The following DUSP22 variants were observed in gnomAD, a reference collection of about 807,000 sequenced individuals.
The protein encoded by DUSP22 is dual specificity phosphatase 22, also known as dual specificity protein phosphatase 22.
A neutral mutation model predicts 24.5 loss-of-function variants in DUSP22; 24 were observed. The observed-to-expected ratio is 0.98, with a 90% CI of 0.71 to 1.38. The LOEUF (loss-of-function observed/expected upper bound fraction) is 1.38, where lower values mean the gene tolerates loss of function less well. DUSP22 is among the 40% of genes most tolerant of loss of function. The probability of loss-of-function intolerance (pLI) is 0.00; values close to 1 mark genes in which losing one functional copy is unlikely to be tolerated. For synonymous variants in DUSP22, 160 were observed against 106.4 expected, an observed-to-expected ratio of 1.50 and a Z score of -3.10; for missense variants, 330 against 269.2, an observed-to-expected ratio of 1.23 and a Z score of -1.58.
Position 292,508 on chromosome 6 carries a change from G to C in DUSP22, c.-32G>C, listed in dbSNP as rs759633832. ...TGCCATAGTGCGCCTGCGACCACAC[G>C]GCCGGGGCGCTAGCGTTCGCCTTCA... On this transcript the variant is annotated 5_prime_UTR_variant, in exon 1 of 7. Transcript: ENST00000419235. 9 of 1,603,818 alleles carry C rather than the reference G, an allele frequency of 5.6e-6. No homozygotes were observed. Among genetic ancestry groups the C allele is most frequent in the Non-Finnish European group, 7.7e-6 (9 of 1,175,288 alleles).
chr6:327,461 G>A (rs1758933021), intron 3 of DUSP22, among the ~76,000 whole-genome samples: 1 of 152,310 alleles, frequency 6.6e-6, no homozygotes, highest in Non-Finnish European at 1.5e-5. Context: ...ATTCTGAAAT[G>A]GCATGTCCCT....
chr6:337,499 C>G (rs1210358040), intron 4 of DUSP22, among the ~76,000 whole-genome samples: 2 of 152,298 alleles, frequency 1.3e-5, no homozygotes. Context: ...CATGGAGGGA[C>G]AGGGGAGACA....
chr6:332,351 G>T (rs1759177540), intron 3 of DUSP22, among the ~76,000 whole-genome samples: 1 of 152,306 alleles, frequency 6.6e-6, no homozygotes, highest in Non-Finnish European at 1.5e-5. Context: ...CAGCGACTGT[G>T]GGCAGGGGCC....
intron 4 of DUSP22, among the ~76,000 whole-genome samples, chr6:345,079 A>G (rs1759795642): frequency 6.6e-6 from 1 of 152,308 alleles, no homozygotes; most frequent in Admixed American, 6.5e-5. Flanking sequence ...CAGACAACCC[A>G]CAGCCTTCCC....
At chr6:300,707 A>G (rs1757541271) in intron 1 of DUSP22, among the ~76,000 whole-genome samples, 1 of 152,300 alleles carries the variant, frequency 6.6e-6, no homozygotes, top group Non-Finnish European at 1.5e-5. Context: ...GCAGGAACAG[A>G]CCTGCTGTGC....
In DUSP22 at chr6:348,222, A is replaced by C. The variant is rs1759982576; in HGVS notation, c.383A>C (p.Asn128Thr). Residue 128 changes from asparagine (N) to threonine (T), a missense_variant, in exon 6 of 7, where the codon AAC (asparagine) becomes ACC (threonine). By Grantham distance (65) the Asn-to-Thr change is moderately conservative (BLOSUM62 0). Transcript: ENST00000419235. ...GCTGGGAGATCCTGTGCCAACCCCA[A>C]CGTGGGCTTCCAGAGACAGCTCCAG... ...VRAGRSCANP[N>T]VGFQRQLQEF... 4 of 1,614,196 alleles carry C rather than the reference A, an allele frequency of 2.5e-6. No individual in the cohort carries two copies. The highest frequency in any genetic ancestry group is 2.2e-5 in the South Asian group (2 of 91,096).
intron 2 of DUSP22, among the ~76,000 whole-genome samples, chr6:311,053 A>G (rs540464558): frequency 9.1e-3 from 1,374 of 151,784 alleles, no homozygotes; most frequent in African/African-American, 0.031. Flanking sequence ...ATAGGGGCTC[A>G]AGTTTTTAAA....
chr6:325,516 C>G (rs1485137218), intron 3 of DUSP22: 54 of 143,444 alleles, frequency 3.8e-4, no homozygotes, highest in East Asian at 7.7e-4. Context: ...AGTCATCTGC[C>G]CTGGGCTTCC....
At chr6:297,465 C>T (rs1222846514) in intron 1 of DUSP22, among the ~76,000 whole-genome samples, 2 of 152,304 alleles carry the variant, frequency 1.3e-5, no homozygotes, top group Admixed American at 6.5e-5. Context: ...GAATATGTTC[C>T]CTCTAGGCAT....
rs2671431 is a variant in DUSP22 at position 335,175 on chromosome 6, A to T, written c.188+12A>T. 1 allele frequency: 1,612,641 copies of T among 1,613,230 alleles called. 806,026 individuals carry two copies. Among genetic ancestry groups the T allele is most frequent in the East Asian group, 1 (44,886 of 44,886 alleles). ...CCATCTCAAAACCTGTAAGTTTCTT[A>T]TTTCTGTATTATTTGGAGACATTTA... On this transcript the variant is annotated intron_variant, in intron 4 of 6. Coordinates refer to ENST00000419235, the MANE Select transcript of DUSP22 (RefSeq NM_001286555.3).
intron 2 of DUSP22, among the ~76,000 whole-genome samples, chr6:309,146 A>G (rs962551693): frequency 6.6e-6 from 1 of 152,288 alleles, no homozygotes; most frequent in Admixed American, 6.5e-5. Context: ...CCAACTTGTG[A>G]GGGGTTGGGG....
At chr6:322,159 C>A (rs1758624449) in intron 3 of DUSP22, among the ~76,000 whole-genome samples, 1 of 152,122 alleles carries the variant, frequency 6.6e-6, no homozygotes, top group East Asian at 1.9e-4. Flanking sequence ...GTATACATAT[C>A]ATCTACATAG....
chr6:296,182 A>C (rs1424134967), intron 1 of DUSP22, among the ~76,000 whole-genome samples: 1 of 152,312 alleles, frequency 6.6e-6, no homozygotes, highest in Non-Finnish European at 1.5e-5. Flanking sequence ...GCAAGAAACT[A>C]AAACTTTTTT....
intron 4 of DUSP22, among the ~76,000 whole-genome samples, chr6:339,894 C>T (rs1286127459): frequency 6.6e-6 from 1 of 152,272 alleles, no homozygotes; most frequent in African/African-American, 2.4e-5. Flanking sequence ...CTAGTTGGGC[C>T]CTTGGACTAC....
intron 2 of DUSP22, among the ~76,000 whole-genome samples, chr6:304,987 T>C (rs530270971): frequency 6.6e-6 from 1 of 152,428 alleles, no homozygotes; most frequent in East Asian, 1.9e-4. Flanking sequence ...CTGAGCACAG[T>C]GTCACAGTTC....
At chr6:292,791 C>G (rs1035514120) in intron 1 of DUSP22, among the ~76,000 whole-genome samples, 1 of 152,258 alleles carries the variant, frequency 6.6e-6, no homozygotes, top group African/African-American at 2.4e-5. Flanking sequence ...GCCTGCCTTG[C>G]CAGCCGGTGC....
chr6:351,265 G>A lies in DUSP22; in HGVS notation c.*2314G>A, dbSNP rs1031395331. ...CCCAGCTTGGGAAATAGCCCTTGGT[G>A]TGGGTTTTATCTCTGGTTTGTGTTC... On this transcript the variant is annotated 3_prime_UTR_variant, in exon 7 of 7. Transcript: ENST00000419235. 32 of 221,938 alleles carry A rather than the reference G, an allele frequency of 1.4e-4. No individual in the cohort carries two copies. Among genetic ancestry groups the A allele is most frequent in the African/African-American group, 7.1e-4 (31 of 43,788 alleles). 13.7% of individuals were successfully genotyped at this position (221,938 alleles called of 1,614,324 possible).
intron 2 of DUSP22, among the ~76,000 whole-genome samples, chr6:309,679 A>AACACACACACAC (rs759885887): frequency 2.9e-3 from 399 of 137,916 alleles, no homozygotes; most frequent in Admixed American, 6.2e-3. Flanking sequence ...ACTCATGTAG[A>AACACACACACAC]ACACACACAC....
chr6:327,098 A>T (rs1294304990), intron 3 of DUSP22, among the ~76,000 whole-genome samples: 1 of 152,288 alleles, frequency 6.6e-6, no homozygotes, highest in African/African-American at 2.4e-5. Context: ...CCCCGTGAAC[A>T]TGGGCCCTAG....
Sources: allele counts gnomAD v4.1 joint callset (sites outside exome capture counted in the v4.1 genomes callset), GRCh38; gene constraint gnomAD v4.1.1; transcripts MANE v1.5; gene names NCBI Gene and HGNC (gene_info 2026-07-23, HGNC 2026-07-21).